TF: variants seen among roughly 807,000 people sequenced by gnomAD.
TF encodes serotransferrin.
In TF, 55 loss-of-function variants were observed where a neutral mutation model predicts 82.4. The ratio of observed to expected loss-of-function variants is 0.67; its 90% CI spans 0.54 to 0.84. The LOEUF is 0.84. TF is among the 40% of genes least tolerant of loss of function. The pLI, the probability that TF is intolerant of heterozygous loss-of-function variation, is 0.00. For synonymous variants in TF, 332 were observed against 332.6 expected (o/e 1.00, Z 0.02); for missense variants, 737 against 868.4 (o/e 0.85, Z 1.90).
the TF span, among the ~76,000 whole-genome samples, chr3:133,711,584 C>T: frequency 6.6e-6 from 1 of 152,060 alleles, no homozygotes; most frequent in South Asian, 2.1e-4. Flanking sequence ...CTCCTCCTTC[C>T]ACTCATCTCC....
the TF span, among the ~76,000 whole-genome samples, chr3:133,736,638 A>AAAAAAAAAAAAAAG: frequency 9.5e-6 from 1 of 105,302 alleles, no homozygotes; most frequent in East Asian, 3.4e-4. Context: ...AGCCAAAAAA[A>AAAAAAAAAAAAAAG]AAAAAAAAAA....
the TF span, among the ~76,000 whole-genome samples, chr3:133,734,663 C>T: frequency 6.6e-6 from 1 of 152,222 alleles, no homozygotes; most frequent in Non-Finnish European, 1.5e-5. Flanking sequence ...TGAAAATCCT[C>T]ATTTTGCAAT....
the TF span, among the ~76,000 whole-genome samples, chr3:133,682,804 C>T: frequency 6.6e-6 from 1 of 152,160 alleles, no homozygotes; most frequent in African/African-American, 2.4e-5. Context: ...TTCAGGAGAA[C>T]TTCCCCAACC....
the TF span, among the ~76,000 whole-genome samples, chr3:133,722,056 A>G: frequency 6.6e-6 from 1 of 151,712 alleles, no homozygotes; most frequent in African/African-American, 2.4e-5. Context: ...ATTTTTTTGT[A>G]TTTTTTGTGG....
At chr3:133,662,928 T>G in the TF span, among the ~76,000 whole-genome samples, 33 of 152,234 alleles carry the variant, frequency 2.2e-4, 1 homozygote, top group African/African-American at 6.0e-4. Context: ...GCAGCTTGAG[T>G]CTTAAGTTTT....
chr3:133,682,975 G>T, the TF span, among the ~76,000 whole-genome samples: 1 of 152,218 alleles, frequency 6.6e-6, no homozygotes, highest in African/African-American at 2.4e-5. Context: ...TACCCACAAA[G>T]GGAAGCTCAT....
the TF span, among the ~76,000 whole-genome samples, chr3:133,673,595 AAC>A: frequency 6.6e-6 from 1 of 152,226 alleles, no homozygotes; most frequent in East Asian, 1.9e-4. Context: ...AAAGAGGTCA[AAC>A]ACAGAATTGT....
chr3:133,732,947 T>C, the TF span, among the ~76,000 whole-genome samples: 1 of 152,332 alleles, frequency 6.6e-6, no homozygotes, highest in African/African-American at 2.4e-5. Flanking sequence ...ACTGTAGCTT[T>C]AGTGGTGTCT....
At chr3:133,713,864 C>G in the TF span, among the ~76,000 whole-genome samples, 1 of 152,156 alleles carries the variant, frequency 6.6e-6, no homozygotes, top group Non-Finnish European at 1.5e-5. Flanking sequence ...CAAGTCCTGT[C>G]CCTCTTCTGT....
At chr3:133,752,683 A>C (rs192858991) in intron 2 of TF, among the ~76,000 whole-genome samples, 14 of 152,340 alleles carry the variant, frequency 9.2e-5, no homozygotes, top group African/African-American at 3.1e-4. Flanking sequence ...GTAACAGTGT[A>C]ATGATAAGAA....
the TF span, among the ~76,000 whole-genome samples, chr3:133,695,031 G>A: frequency 1.2e-4 from 18 of 152,052 alleles, no homozygotes; most frequent in South Asian, 2.7e-3. Context: ...CCTGGGCTTC[G>A]CTGTGGGGTT....
chr3:133,748,326 T>A, intron 1 of TF, 86 bp from the exon 2 acceptor site: 7 of 1,527,358 alleles, frequency 4.6e-6, no homozygotes, highest in Non-Finnish European at 6.3e-6. Context: ...TGAGGGGATG[T>A]GGCTGTCAAG....
intron 16 of TF, chr3:133,778,192 T>A (rs988820591): frequency 8.2e-6 from 2 of 245,324 alleles, no homozygotes; most frequent in Non-Finnish European, 1.6e-5. Context: ...CTTTCCTCCA[T>A]CCTTAGCCCA....
chr3:133,778,231 CT>C (rs1934443481), intron 16 of TF: 4 of 285,202 alleles, frequency 1.4e-5, no homozygotes, highest in Non-Finnish European at 2.7e-5. Flanking sequence ...ATTGCAGGTG[CT>C]TTTTGCTATG....
rs1934362191 is a variant in TF at position 133,775,447 on chromosome 3, C to A, written c.1702C>A (p.Pro568Thr). The change falls in exon 15 of 17, where the codon CCA (proline) becomes ACA (threonine). Residue 568 changes from proline to threonine, a missense_variant. Transcript: ENST00000402696. ...CCTGTCCCTAGGAAAAAACCCTGAT[C>A]CATGGGCTAAGAATCTGAATGAAAA... ...PQNTGGKNPD[P>T]WAKNLNEKDY... 3 of 1,614,200 alleles carry A rather than the reference C, an allele frequency of 1.9e-6. No individual in the cohort carries two copies. Among genetic ancestry groups the A allele is most frequent in the Non-Finnish European group, 2.5e-6 (3 of 1,180,030 alleles).
chr3:133,734,818 A>T, the TF span, among the ~76,000 whole-genome samples: 1 of 141,200 alleles, frequency 7.1e-6, no homozygotes, highest in Non-Finnish European at 1.6e-5. Context: ...AAAAAAAAAA[A>T]CCTGTTAAAT....
rs1245038097 is a variant in TF at position 133,795,091 on chromosome 3, G to GCT, written c.*16471_*16472insCT. ...AAATAATAGAGTTGGCTAAACAGAA[G>GCT]AGTATCTGTGCAGCTGCTGGCACTC... On this transcript the variant is annotated 3_prime_UTR_variant, in exon 17 of 17. Transcript: ENST00000402696. 2.0e-5 allele frequency: 3 copies of GCT among 152,226 alleles called. No homozygotes were observed. Among genetic ancestry groups the GCT allele is most frequent in the South Asian group, 2.1e-4 (1 of 4,820 alleles). The allele number at this position is 152,226 out of a possible 1,614,324, so 9.4% of individuals were successfully genotyped here.
At chr3:133,691,516 G>A in the TF span, among the ~76,000 whole-genome samples, 1 of 152,180 alleles carries the variant, frequency 6.6e-6, no homozygotes. Flanking sequence ...AAACAAAGTG[G>A]CATCCAGCAT....
chr3:133,684,960 A>C, the TF span, among the ~76,000 whole-genome samples: 1 of 152,202 alleles, frequency 6.6e-6, no homozygotes, highest in Admixed American at 6.5e-5. Context: ...CCTCAGTAAA[A>C]TACTGGCAAA....
Sources: gnomAD v4.1 joint callset for allele counts (sites outside exome capture counted in the v4.1 genomes callset) on GRCh38, gnomAD v4.1.1 for gene constraint, MANE v1.5 for transcripts, NCBI Gene and HGNC (gene_info 2026-07-23, HGNC 2026-07-21) for gene names.